The following PANK4 variants were observed in gnomAD, a reference collection of about 807,000 sequenced individuals.
The protein encoded by PANK4 is 4'-phosphopantetheine phosphatase.
In PANK4, 40 loss-of-function variants were observed where a neutral mutation model predicts 87.9. The observed-to-expected ratio is 0.46, with a 90% CI of 0.35 to 0.59. The LOEUF (loss-of-function observed/expected upper bound fraction) is 0.59. PANK4 is among the 20% of genes least tolerant of loss of function. The probability of loss-of-function intolerance (pLI) is 0.00; values close to 1 mark genes in which losing one functional copy is unlikely to be tolerated. For missense variants in PANK4, 926 were observed against 1,072.3 expected, an observed-to-expected ratio of 0.86 and a Z score of 1.90; for synonymous variants, 524 against 467.4, an observed-to-expected ratio of 1.12 and a Z score of -1.56.
At chr1:2,511,756 A>AC (rs1643665992) in intron 13 of PANK4, 73 bp from the exon 14 acceptor site, 1 of 886,152 alleles carries the variant, frequency 1.1e-6, no homozygotes, top group African/African-American at 1.6e-5. Context: ...CAATGTGAAG[A>AC]CCCCAAATCC....
Position 2,519,689 on chromosome 1 carries a change from C to G in PANK4, c.853+112G>C, listed in dbSNP as rs974213401. 7 of 1,161,574 alleles carry G rather than the reference C, an allele frequency of 6.0e-6. No individual in the cohort carries two copies. The highest frequency in any genetic ancestry group is 8.3e-6 in the Non-Finnish European group (7 of 845,980). The allele number at this position is 1,161,574 out of a possible 1,614,324, so 72.0% of individuals were successfully genotyped here. On this transcript the variant is annotated intron_variant, in intron 6 of 18. Transcript: ENST00000378466. This position sits in a 1 kb window ranked among gnomAD's most constrained non-coding sequence, Gnocchi z 8.3. ...GTTACAGGGCTGACACCCAAGACCC[C>G]GACTCTCCAGGGAGCAGTTGTGGGA...
In PANK4 at chr1:2,520,572, T is replaced by A. The variant is rs545895452; in HGVS notation, c.606+151A>T. The A allele has an allele frequency of 1.5e-5, 12 of 817,176 alleles. No individual in the cohort carries two copies. The highest frequency in any genetic ancestry group is 3.7e-4 in the Middle Eastern group (1 of 2,734). The allele number at this position is 817,176 out of a possible 1,614,324, so 50.6% of individuals were successfully genotyped here. On this transcript the variant is annotated intron_variant, in intron 4 of 18. Transcript: ENST00000378466. This position sits in a 1 kb window ranked among gnomAD's most constrained non-coding sequence, Gnocchi z 6.2. ...CCAAGCCTGGGGGCGCTGATGCCCC[T>A]CCCACAGAGGCTCTGAGCTCACAGC...
At position 2,514,446 on chromosome 1, in the gene PANK4, C is replaced by T. The variant is rs768633364; in HGVS notation, c.1395G>A (p.Ala465=). The part of the protein sequence containing the change: ...ALDGVVKRAV[A]SQPDSVDAAE... ...CTGCATCCACAGAGTCTGGCTGGCT[C>T]GCCACTGCGCGCTTCACTACCTGCC... The change falls in exon 11 of 19, where the codon GCG becomes GCA. Residue 465 remains alanine (A), a synonymous_variant. Coordinates refer to ENST00000378466, the MANE Select transcript of PANK4 (RefSeq NM_018216.4). 15 of 1,610,822 alleles carry T rather than the reference C, an allele frequency of 9.3e-6. No homozygotes were observed. Among genetic ancestry groups the T allele is most frequent in the African/African-American group, 8.0e-5 (6 of 74,900 alleles).
chr1:2,515,602 C>T lies in PANK4; in HGVS notation c.1334G>A (p.Arg445Gln), dbSNP rs762410583. The change falls in exon 10 of 19, where the codon CGA becomes CAA. Residue 445 changes from arginine (R) to glutamine (Q), a missense_variant. Arg to Gln is a conservative substitution (Grantham distance 43). Coordinates refer to ENST00000378466, the MANE Select transcript of PANK4 (RefSeq NM_018216.4). The surrounding 1 kb of genome is among the most constrained non-coding windows in gnomAD (Gnocchi z 5.0). ...TVDLTDDALA[R>Q]KYWLTCFEEA... ...CTCAAAGCAGGTGAGCCAGTATTTT[C>T]GGGCCAGAGCGTCATCGGTGAGGTC... 24 of 1,613,128 alleles carry T rather than the reference C, an allele frequency of 1.5e-5. No individual in the cohort carries two copies. Among genetic ancestry groups the T allele is most frequent in the Non-Finnish European group, 1.4e-5 (16 of 1,179,996 alleles).
chr1:2,521,303 C>T lies in PANK4; in HGVS notation c.220G>A (p.Glu74Lys). ...GAAATCTCATAGGGCGGCTCATGTT[C>T]ACGTTCTGTGTCCTGGAAAACAGAG... ...FDHSGKDTER[E>K]HEPPYEISVQ... The change falls in exon 3 of 19, where the codon GAA (glutamate) becomes AAA (lysine). Residue 74 changes from glutamate to lysine, a missense_variant. Transcript: ENST00000378466. 6.2e-7 allele frequency: 1 copy of T among 1,613,628 alleles called. No individual in the cohort carries two copies. The highest frequency in any genetic ancestry group is 8.5e-7 in the Non-Finnish European group (1 of 1,179,792).
chr1:2,511,624 G>A lies in PANK4; in HGVS notation c.1783+4C>T, dbSNP rs375668979. 6.9e-6 allele frequency: 11 copies of A among 1,599,172 alleles called. No homozygotes were observed. Among genetic ancestry groups the A allele is most frequent in the African/African-American group, 4.0e-5 (3 of 74,686 alleles). ...AAGGCCCCAAGTTACTTGGCCATCC[G>A]TACCTTGTAACTTCCTCTTTGCTTC... On this transcript the variant is annotated splice_donor_region_variant and intron_variant, in intron 14 of 18. Transcript: ENST00000378466.
chr1:2,516,926 T>C (rs1643791680), intron 9 of PANK4, among the ~76,000 whole-genome samples: 1 of 152,252 alleles, frequency 6.6e-6, no homozygotes, highest in Non-Finnish European at 1.5e-5. Context: ...GTCAGTTTGA[T>C]CCTCAGTAAG....
chr1:2,517,530 G>T (rs537495682), intron 9 of PANK4, among the ~76,000 whole-genome samples: 1 of 152,360 alleles, frequency 6.6e-6, no homozygotes, highest in Non-Finnish European at 1.5e-5. Flanking sequence ...CTGTGACACG[G>T]GGCGGTTCCT....
chr1:2,514,354 A>C lies in PANK4; in HGVS notation c.1487T>G (p.Phe496Cys), dbSNP rs903371941. 7 of 1,608,698 alleles carry C rather than the reference A, an allele frequency of 4.4e-6. No individual in the cohort carries two copies. The highest frequency in any genetic ancestry group is 6.0e-6 in the Non-Finnish European group (7 of 1,176,426). Reference protein sequence around the residue: ...NKLQTLRQQPFAYGTLTVRSL... With the variant: ...NKLQTLRQQPCAYGTLTVRSL... ...ACACACCGGGGTGCTGGGCACTTAC[A>C]AGGGCTGCTGCCTCAGGGTCTGAAG... The change falls in exon 11 of 19, where the codon TTC (phenylalanine) becomes TGC (cysteine). Residue 496 changes from phenylalanine to cysteine, a missense_variant and splice_region_variant. Coordinates refer to ENST00000378466, the MANE Select transcript of PANK4 (RefSeq NM_018216.4).
Position 2,515,261 on chromosome 1 carries a change from A to T in PANK4, c.1374+301T>A. The T allele has an allele frequency of 1.7e-6, 1 of 578,052 alleles. No individual in the cohort carries two copies. 35.8% of individuals were successfully genotyped at this position (578,052 alleles called of 1,614,324 possible). A position where few individuals can be genotyped will look rare whatever the true frequency, so the allele number is the denominator to read the frequency against. ...GCCTCCCGCACCTCAGTCACACCTC[A>T]AAAGAGCAGAGACGTCTCCTAAATT... On this transcript the variant is annotated intron_variant, in intron 10 of 18. Transcript: ENST00000378466. The surrounding 1 kb of genome is among the most constrained non-coding windows in gnomAD (Gnocchi z 5.0).
Position 2,519,345 on chromosome 1 carries a change from G to A in PANK4, c.854-21C>T. 1 of 1,578,266 alleles carries A rather than the reference G, an allele frequency of 6.3e-7. No homozygotes were observed. The highest frequency in any genetic ancestry group is 8.7e-7 in the Non-Finnish European group (1 of 1,155,880). Reference sequence around the variant, plus strand: ...GAACTCTGAGGAAGGGAAGGAAAAGGCACTCATCTCCAAGTACAGCAAGTG... The same window carrying A: ...GAACTCTGAGGAAGGGAAGGAAAAGACACTCATCTCCAAGTACAGCAAGTG... On this transcript the variant is annotated intron_variant, in intron 6 of 18. Transcript: ENST00000378466. This position sits in a 1 kb window ranked among gnomAD's most constrained non-coding sequence, Gnocchi z 8.3.
rs371387346 is a variant in PANK4 at position 2,515,738 on chromosome 1, G to A, written c.1219-21C>T. 9.3e-6 allele frequency: 15 copies of A among 1,609,998 alleles called. No individual in the cohort carries two copies. The Admixed American group carries it at 1.7e-4, about 18-fold the overall frequency. ...TCAAACTGGAAGACAGGCAGTGGCA[G>A]GGTGGAAACGTCACCATGGTTCAGA... On this transcript the variant is annotated intron_variant, in intron 9 of 18. Transcript: ENST00000378466. This position sits in a 1 kb window ranked among gnomAD's most constrained non-coding sequence, Gnocchi z 5.0.
chr1:2,522,991 T>C (rs1643890725), intron 1 of PANK4, among the ~76,000 whole-genome samples: 1 of 151,700 alleles, frequency 6.6e-6, no homozygotes, highest in Admixed American at 6.6e-5. Context: ...GATGGTGCTA[T>C]AGTGACTTAA....
chr1:2,519,786 G>C lies in PANK4; in HGVS notation c.853+15C>G, dbSNP rs763838212. On this transcript the variant is annotated intron_variant, in intron 6 of 18. Transcript: ENST00000378466. This position sits in a 1 kb window ranked among gnomAD's most constrained non-coding sequence, Gnocchi z 8.3. ...CACCATCCTGCTCTCTGGCGGCAGA[G>C]GCCGGGGTGAGCACCTTGGTCGGCG... The C allele has an allele frequency of 6.4e-7, 1 of 1,566,422 alleles. No individual in the cohort carries two copies. The highest frequency in any genetic ancestry group is 1.2e-5 in the South Asian group (1 of 85,928).
In PANK4 at chr1:2,510,078, G is replaced by A. The variant is rs975838128; in HGVS notation, c.2018C>T (p.Ala673Val). ...TCACTGCACGACAGGGTCCATGCCC[G>A]CAATACGCTCTGCCACGATGAGGGA... is the stretch of plus-strand genomic sequence containing the variant. ...SESLIVAERI[A>V]GMDPVVHSAL... Residue 673 changes from alanine (A) to valine (V), a missense_variant, in exon 17 of 19, where the codon GCG becomes GTG. Transcript: ENST00000378466. This position sits in a 1 kb window ranked among gnomAD's most constrained non-coding sequence, Gnocchi z 4.9. 2 of 1,609,830 alleles carry A rather than the reference G, an allele frequency of 1.2e-6. No homozygotes were observed. Among genetic ancestry groups the A allele is most frequent in the Non-Finnish European group, 1.7e-6 (2 of 1,178,382 alleles).
rs747436557 is a variant in PANK4, at chr1:2,508,816, A to T, written c.*31T>A. On this transcript the variant is annotated 3_prime_UTR_variant, in exon 19 of 19. Coordinates refer to ENST00000378466, the MANE Select transcript of PANK4 (RefSeq NM_018216.4). The surrounding 1 kb of genome is among the most constrained non-coding windows in gnomAD (Gnocchi z 5.1). ...GGTAAAAACACATTCCTGACAAGTG[A>T]CAAGCAGAAGAGTCCGGCAGCTGCA... The T allele has an allele frequency of 7.6e-7, 1 of 1,311,588 alleles. No homozygotes were observed. Among genetic ancestry groups the T allele is most frequent in the Non-Finnish European group, 1.1e-6 (1 of 920,250 alleles). 81.2% of individuals were successfully genotyped at this position (1,311,588 alleles called of 1,614,324 possible). A position where few individuals can be genotyped will look rare whatever the true frequency, so the allele number is the denominator to read the frequency against.
chr1:2,512,849 A>C, intron 13 of PANK4, 39 bp downstream of exon 13: 1 of 1,605,572 alleles, frequency 6.2e-7, no homozygotes, highest in Non-Finnish European at 8.5e-7. Context: ...ACAGGCACCC[A>C]CAGGCTGCAG....
intron 13 of PANK4, chr1:2,512,521 C>CATTAAAAA: frequency 4.3e-6 from 1 of 231,488 alleles, no homozygotes; most frequent in Non-Finnish European, 8.5e-6. Context: ...GACTGCTTTG[C>CATTAAAAA]AAAGCACCCT....
intron 11 of PANK4, 36 bp downstream of exon 11, chr1:2,514,318 A>C: frequency 6.8e-7 from 1 of 1,469,894 alleles, no homozygotes; most frequent in Non-Finnish European, 9.5e-7. Flanking sequence ...CTCTGGATGG[A>C]AGAGGTGGCC....
Sources: allele counts gnomAD v4.1 joint callset (sites outside exome capture counted in the v4.1 genomes callset), GRCh38; gene constraint gnomAD v4.1.1; non-coding constraint Gnocchi (gnomAD v3.1); transcripts MANE v1.5; gene names NCBI Gene and HGNC (gene_info 2026-07-23, HGNC 2026-07-21).